The following KBTBD7 variants were observed in gnomAD, a reference collection of about 807,000 sequenced individuals.
KBTBD7 encodes kelch repeat and BTB domain containing 7.
A neutral mutation model predicts 50.3 loss-of-function variants in KBTBD7; 25 were observed. The ratio of observed to expected loss-of-function variants is 0.50; its 90% confidence interval spans 0.36 to 0.69. The LOEUF (loss-of-function observed/expected upper bound fraction) is 0.69. KBTBD7 is among the 30% of genes least tolerant of loss of function. The pLI is 0.00. For synonymous variants in KBTBD7, 305 were observed against 325.3 expected (o/e 0.94, Z 0.67); for missense variants, 653 against 869.5 (o/e 0.75, Z 3.13).
At position 41,194,543 on chromosome 13, in the gene KBTBD7, T is replaced by G. The variant is rs2031485379; in HGVS notation, c.-286A>C. ...GAAGCCCCCACTGCCGCGCTGGCGATCCCGCTAGGCGCCCGGGAGAACTAC... is the reference window on the plus strand; with the variant it reads ...GAAGCCCCCACTGCCGCGCTGGCGAGCCCGCTAGGCGCCCGGGAGAACTAC... On this transcript the variant is annotated 5_prime_UTR_variant, in exon 1 of 1. Coordinates refer to ENST00000379483, the MANE Select transcript of KBTBD7 (RefSeq NM_032138.7). 2 of 512,622 alleles carry G rather than the reference T, an allele frequency of 3.9e-6. No homozygotes were observed. Among genetic ancestry groups the G allele is most frequent in the East Asian group, 3.4e-5 (1 of 29,032 alleles). The allele number at this position is 512,622 out of a possible 1,614,324, so 31.8% of individuals were successfully genotyped here.
rs1439917714 is a variant in KBTBD7, at chr13:41,192,101, A to G, written c.*102T>C. On this transcript the variant is annotated 3_prime_UTR_variant, in exon 1 of 1. Transcript: ENST00000379483. Reference sequence around the variant, plus strand: ...TCAAAATATTACCCTTTCTAAACCAAATCTGTGGTCCTAATCAACTTTTTT... The same window carrying G: ...TCAAAATATTACCCTTTCTAAACCAGATCTGTGGTCCTAATCAACTTTTTT... The G allele has an allele frequency of 8.5e-7, 1 of 1,177,242 alleles. No individual in the cohort carries two copies. Among genetic ancestry groups the G allele is most frequent in the African/African-American group, 1.5e-5 (1 of 65,162 alleles). The allele number at this position is 1,177,242 out of a possible 1,614,324, so 72.9% of individuals were successfully genotyped here.
Position 41,191,654 on chromosome 13 carries a change from A to AT in KBTBD7, c.*548dup, listed in dbSNP as rs1185919512. ...CAGTAACCTTATATATATAAATCCAATTTTTTCCTTTGTAGAAGAAAACCA... is the reference window on the plus strand; with the variant it reads ...CAGTAACCTTATATATATAAATCCAATTTTTTTCCTTTGTAGAAGAAAACCA... On this transcript the variant is annotated 3_prime_UTR_variant, in exon 1 of 1. Coordinates refer to ENST00000379483, the MANE Select transcript of KBTBD7 (RefSeq NM_032138.7). 2.0e-5 allele frequency: 3 copies of AT among 147,356 alleles called. No homozygotes were observed. The highest frequency in any genetic ancestry group is 4.9e-5 in the African/African-American group (2 of 40,420). The allele number at this position is 147,356 out of a possible 1,614,324, so 9.1% of individuals were successfully genotyped here.
rs147295376 is a variant in KBTBD7 at position 41,194,141 on chromosome 13, C to T, written c.117G>A (p.Glu39=). 1.1e-4 allele frequency: 181 copies of T among 1,614,122 alleles called. No homozygotes were observed. The highest frequency in any genetic ancestry group is 4.0e-4 in the South Asian group (36 of 91,088). The part of the protein sequence containing the change: ...SVSAFFTGPE[E]LKDTAHSAAL... ...CTGCAGAATGGGCCGTGTCCTTTAA[C>T]TCCTCTGGACCCGTGAAAAAGGCCG... The change falls in exon 1 of 1, where the codon GAG becomes GAA. Residue 39 remains glutamate (E), a synonymous_variant. Transcript: ENST00000379483.
In KBTBD7 at chr13:41,193,557, T is replaced by A. The variant is rs777976036; in HGVS notation, c.701A>T (p.Glu234Val). 3 of 1,614,220 alleles carry A rather than the reference T, an allele frequency of 1.9e-6. No homozygotes were observed. The Admixed American group carries it at 5.0e-5, about 27-fold the overall frequency. The part of the protein sequence containing the change: ...AVLRLDSLDI[E>V]SERTVCHVAV... ...TACATGGCATACAGTCCGCTCACTCTCTATGTCCAGACTATCCAGGCGTAG... is the reference window on the plus strand; with the variant it reads ...TACATGGCATACAGTCCGCTCACTCACTATGTCCAGACTATCCAGGCGTAG... The change falls in exon 1 of 1, where the codon GAG (glutamate) becomes GTG (valine). Residue 234 changes from glutamate to valine, a missense_variant. Around this residue, in one of 3 missense-constraint regions of KBTBD7, gnomAD observed 526 missense variants for 717.1 expected, o/e 0.73. Coordinates refer to ENST00000379483, the MANE Select transcript of KBTBD7 (RefSeq NM_032138.7). This position sits in a 1 kb window ranked among gnomAD's most constrained non-coding sequence, Gnocchi z 5.7.
At position 41,193,038 on chromosome 13, in the gene KBTBD7, A is replaced by C. The variant is rs1282982564; in HGVS notation, c.1220T>G (p.Val407Gly). 1 of 1,614,170 alleles carries C rather than the reference A, an allele frequency of 6.2e-7. No homozygotes were observed. The highest frequency in any genetic ancestry group is 1.7e-5 in the Admixed American group (1 of 60,020). The change falls in exon 1 of 1, where the codon GTG becomes GGG. Residue 407 changes from valine (V) to glycine (G), a missense_variant. Physicochemically the swap from Val to Gly is moderately radical, Grantham distance 109 (BLOSUM62 -3). Transcript: ENST00000379483. The surrounding 1 kb of genome is among the most constrained non-coding windows in gnomAD (Gnocchi z 5.7). ...LAAQPRKDLW[V>G]YKPAQNSWQQ... The stretch of plus-strand genomic sequence containing the variant: ...CCAACTATTCTGAGCTGGTTTATAC[A>C]CCCAGAGGTCTTTCCTGGGCTGAGC...
At position 41,194,437 on chromosome 13, in the gene KBTBD7, T is replaced by A; in HGVS notation, c.-180A>T. On this transcript the variant is annotated 5_prime_UTR_variant, in exon 1 of 1. Coordinates refer to ENST00000379483, the MANE Select transcript of KBTBD7 (RefSeq NM_032138.7). ...AGGCCTCCCTTTATTGCATAGACAG[T>A]GGCTGACTCACCCTCTCTCACTCCC... is the stretch of plus-strand genomic sequence containing the variant. 1.3e-6 allele frequency: 1 copy of A among 772,686 alleles called. No homozygotes were observed. Among genetic ancestry groups the A allele is most frequent in the Non-Finnish European group, 2.1e-6 (1 of 483,760 alleles). The allele number at this position is 772,686 out of a possible 1,614,324, so 47.9% of individuals were successfully genotyped here.
In KBTBD7 at chr13:41,194,081, C is replaced by T. The variant is rs144025115; in HGVS notation, c.177G>A (p.Ala59=). ...CGATGGTCACATCACACAGCAGCCG[C>T]GCGTCGTAGAAGGACTTGAGCTGTG... is the stretch of plus-strand genomic sequence containing the variant. The part of the protein sequence containing the change: ...LLAQLKSFYD[A]RLLCDVTIEV... Residue 59 remains alanine, a synonymous_variant, in exon 1 of 1, where the codon GCG becomes GCA. Transcript: ENST00000379483. 2.2e-5 allele frequency: 36 copies of T among 1,614,092 alleles called. No individual in the cohort carries two copies. Among genetic ancestry groups the T allele is most frequent in the Admixed American group, 3.3e-5 (2 of 60,010 alleles).
rs1417513187 is a variant in KBTBD7, at chr13:41,191,154, A to AT, written c.*1048dup. On this transcript the variant is annotated 3_prime_UTR_variant, in exon 1 of 1. Coordinates refer to ENST00000379483, the MANE Select transcript of KBTBD7 (RefSeq NM_032138.7). Reference sequence around the variant, plus strand: ...AGCTTATACATATGTTCTAAACCATATTACCTCACAAAACAGTAAAGAATA... The same window carrying AT: ...AGCTTATACATATGTTCTAAACCATATTTACCTCACAAAACAGTAAAGAATA... The AT allele has an allele frequency of 6.6e-6, 1 of 152,162 alleles. No individual in the cohort carries two copies. Among genetic ancestry groups the AT allele is most frequent in the Non-Finnish European group, 1.5e-5 (1 of 67,998 alleles). 9.4% of individuals were successfully genotyped at this position (152,162 alleles called of 1,614,324 possible).
chr13:41,194,451 T>C lies in KBTBD7; in HGVS notation c.-194A>G. The C allele has an allele frequency of 1.4e-6, 1 of 711,846 alleles. No individual in the cohort carries two copies. Among genetic ancestry groups the C allele is most frequent in the Non-Finnish European group, 2.3e-6 (1 of 433,322 alleles). The allele number at this position is 711,846 out of a possible 1,614,324, so 44.1% of individuals were successfully genotyped here. A position where few individuals can be genotyped will look rare whatever the true frequency, so the allele number is the denominator to read the frequency against. ...TGCATAGACAGTGGCTGACTCACCC[T>C]CTCTCACTCCCGCGCCCTTTCTCCG... On this transcript the variant is annotated 5_prime_UTR_variant, in exon 1 of 1. Coordinates refer to ENST00000379483, the MANE Select transcript of KBTBD7 (RefSeq NM_032138.7).
At position 41,192,926 on chromosome 13, in the gene KBTBD7, G is replaced by A. The variant is rs777058695; in HGVS notation, c.1332C>T (p.Asp444=). The change falls in exon 1 of 1, where the codon GAC becomes GAT. Residue 444 remains aspartate, a synonymous_variant. Transcript: ENST00000379483. ...CCTTCAACTTAACTCCAGTAATAGG[G>A]TCTCGTCCCCCCAAAATGTAGATGT... ...NGYIYILGGR[D]PITGVKLKEV... 7 of 1,614,140 alleles carry A rather than the reference G, an allele frequency of 4.3e-6. 1 individual carries two copies. The South Asian group carries it at 6.6e-5, about 15-fold the overall frequency.
Position 41,192,352 on chromosome 13 carries a change from C to A in KBTBD7, c.1906G>T (p.Ala636Ser), listed in dbSNP as rs1182228163. 2 of 1,614,052 alleles carry A rather than the reference C, an allele frequency of 1.2e-6. No individual in the cohort carries two copies. Among genetic ancestry groups the A allele is most frequent in the Non-Finnish European group, 1.7e-6 (2 of 1,180,028 alleles). Residue 636 changes from alanine (A) to serine (S), a missense_variant, in exon 1 of 1, where the codon GCA (alanine) becomes TCA (serine). Ala to Ser is a moderately conservative substitution (Grantham distance 99, BLOSUM62 1). Around this residue, in one of 3 missense-constraint regions of KBTBD7, gnomAD observed 526 missense variants for 717.1 expected, o/e 0.73. Coordinates refer to ENST00000379483, the MANE Select transcript of KBTBD7 (RefSeq NM_032138.7). ...CATTCAGTACTAGACTCACTCCGTG[C>A]ATCATCTTCCTCAGTAATAAAACTC... ...GQSFITEEDD[A>S]RSESSTEWDL...
Position 41,193,265 on chromosome 13 carries a change from T to C in KBTBD7, c.993A>G (p.Ala331=), listed in dbSNP as rs1322160614. 6.2e-7 allele frequency: 1 copy of C among 1,613,352 alleles called. No homozygotes were observed. Among genetic ancestry groups the C allele is most frequent in the Non-Finnish European group, 8.5e-7 (1 of 1,179,530 alleles). ...SSSSNSLVSA[A]ENPPQRLGMC... Reference sequence around the variant, plus strand: ...TACCCAGTCTCTGGGGTGGATTTTCTGCTGCAGATACAAGAGAGTTGCTGC... The same window carrying C: ...TACCCAGTCTCTGGGGTGGATTTTCCGCTGCAGATACAAGAGAGTTGCTGC... Residue 331 remains alanine, a synonymous_variant, in exon 1 of 1, where the codon GCA becomes GCG. Transcript: ENST00000379483. This position sits in a 1 kb window ranked among gnomAD's most constrained non-coding sequence, Gnocchi z 5.7.
Position 41,191,637 on chromosome 13 carries a change from T to TTA in KBTBD7, c.*564_*565dup, listed in dbSNP as rs1267969184. 6.6e-6 allele frequency: 1 copy of TTA among 150,582 alleles called. No homozygotes were observed. The highest frequency in any genetic ancestry group is 1.5e-5 in the Non-Finnish European group (1 of 67,648). 9.3% of individuals were successfully genotyped at this position (150,582 alleles called of 1,614,324 possible). A position where few individuals can be genotyped will look rare whatever the true frequency, so the allele number is the denominator to read the frequency against. On this transcript the variant is annotated 3_prime_UTR_variant, in exon 1 of 1. Coordinates refer to ENST00000379483, the MANE Select transcript of KBTBD7 (RefSeq NM_032138.7). ...AAAATGAAATCATTATGCAGTAACC[T>TTA]TATATATATAAATCCAATTTTTTCC...
In KBTBD7 at chr13:41,191,331, A is replaced by C. The variant is rs1275746075; in HGVS notation, c.*872T>G. The stretch of plus-strand genomic sequence containing the variant: ...TATATGTCCAGGAATTGTTCCTCTG[A>C]GTCAGTAAAGCATGTATTGGGCATA... On this transcript the variant is annotated 3_prime_UTR_variant, in exon 1 of 1. Transcript: ENST00000379483. 6.6e-6 allele frequency: 1 copy of C among 151,700 alleles called. No individual in the cohort carries two copies. Among genetic ancestry groups the C allele is most frequent in the Non-Finnish European group, 1.5e-5 (1 of 67,850 alleles). The allele number at this position is 151,700 out of a possible 1,614,324, so 9.4% of individuals were successfully genotyped here.
In KBTBD7 at chr13:41,193,920, G is replaced by C. The variant is rs528611716; in HGVS notation, c.338C>G (p.Thr113Ser). The C allele has an allele frequency of 1.4e-5, 22 of 1,613,870 alleles. No homozygotes were observed. Among genetic ancestry groups the C allele is most frequent in the South Asian group, 4.4e-5 (4 of 91,070 alleles). The change falls in exon 1 of 1, where the codon ACC becomes AGC. Residue 113 changes from threonine to serine, a missense_variant. Thr to Ser is a moderately conservative substitution (Grantham distance 58, BLOSUM62 1). Transcript: ENST00000379483. The surrounding 1 kb of genome is among the most constrained non-coding windows in gnomAD (Gnocchi z 5.7). ...GGACTCGGCGTCCACATCGTGCATG[G>C]TCACGCTGGCCTGCTGGCTCTCGTA... Reference protein sequence around the residue: ...GMYESQQASVTMHDVDAESFE... With the variant: ...GMYESQQASVSMHDVDAESFE...
chr13:41,193,209 C>T lies in KBTBD7; in HGVS notation c.1049G>A (p.Gly350Glu). The T allele has an allele frequency of 6.2e-7, 1 of 1,613,946 alleles. No homozygotes were observed. Among genetic ancestry groups the T allele is most frequent in the Admixed American group, 1.7e-5 (1 of 59,988 alleles). ...MCAKEMVIFF[G>E]HPRDPFLCYD... ...GCAGAGAAAGGGATCTCTAGGATGT[C>T]CAAAGAAGATCACCATCTCCTTGGC... Residue 350 changes from glycine to glutamate, a missense_variant, in exon 1 of 1, where the codon GGA becomes GAA. By Grantham distance (98) the Gly-to-Glu change is moderately conservative. Around this residue, in one of 3 missense-constraint regions of KBTBD7, gnomAD observed 526 missense variants for 717.1 expected, o/e 0.73. Transcript: ENST00000379483. The surrounding 1 kb of genome is among the most constrained non-coding windows in gnomAD (Gnocchi z 5.7).
Position 41,194,172 on chromosome 13 carries a change from G to T in KBTBD7, c.86C>A (p.Ser29Ter), listed in dbSNP as rs779379416. 14 of 1,614,088 alleles carry T rather than the reference G, an allele frequency of 8.7e-6. No homozygotes were observed. The highest frequency in any genetic ancestry group is 1.2e-5 in the Non-Finnish European group (14 of 1,180,056). ...GRRPKRISKPSVSAFFTGPEE... is the reference protein window; with the variant it reads ...GRRPKRISKP ...TGGACCCGTGAAAAAGGCCGAAACCGAGGGCTTGGAAATCCTCTTGGGCCG... is the reference window on the plus strand; with the variant it reads ...TGGACCCGTGAAAAAGGCCGAAACCTAGGGCTTGGAAATCCTCTTGGGCCG... The change falls in exon 1 of 1, where the codon TCG (serine) becomes TAG (stop). Residue 29 changes from serine to a stop codon, truncating the protein, a stop_gained. Transcript: ENST00000379483. LOFTEE classifies it high-confidence loss of function.
At position 41,193,822 on chromosome 13, in the gene KBTBD7, C is replaced by A. The variant is rs1236353190; in HGVS notation, c.436G>T (p.Ala146Ser). 4 of 1,614,058 alleles carry A rather than the reference C, an allele frequency of 2.5e-6. No individual in the cohort carries two copies. Among genetic ancestry groups the A allele is most frequent in the African/African-American group, 1.3e-5 (1 of 74,938 alleles). ...TCCAGCTGTAGCATGTCGGAGGCCG[C>A]GTACAGGCGCTGCACATTGGCCTCA... ...LSEANVQRLY[A>S]ASDMLQLEYV... The change falls in exon 1 of 1, where the codon GCG becomes TCG. Residue 146 changes from alanine to serine, a missense_variant. Physicochemically the swap from Ala to Ser is moderately conservative, Grantham distance 99. Around this residue, in one of 3 missense-constraint regions of KBTBD7, gnomAD observed 526 missense variants for 717.1 expected, o/e 0.73. Coordinates refer to ENST00000379483, the MANE Select transcript of KBTBD7 (RefSeq NM_032138.7). The surrounding 1 kb of genome is among the most constrained non-coding windows in gnomAD (Gnocchi z 5.7).
In KBTBD7 at chr13:41,194,268, G is replaced by A. The variant is rs1448922576; in HGVS notation, c.-11C>T. 3.7e-6 allele frequency: 6 copies of A among 1,608,522 alleles called. No individual in the cohort carries two copies. The African/African-American group carries it at 6.7e-5, about 18-fold the overall frequency. ...TTCCCGGGACTGCATGGTGGAGATG[G>A]CGACGGGCGCTGACGGCGAGAAAGG... On this transcript the variant is annotated 5_prime_UTR_variant, in exon 1 of 1. Transcript: ENST00000379483.
Sources: gnomAD v4.1 joint callset for allele counts on GRCh38, gnomAD v4.1.1 for gene constraint, gnomAD v4.1.1 regional missense constraint, Gnocchi (gnomAD v3.1) non-coding constraint, MANE v1.5 for transcripts, NCBI Gene and HGNC (gene_info 2026-07-23, HGNC 2026-07-21) for gene names.